Variants in FANK1 observed in about 807,000 individuals in gnomAD.
The protein encoded by FANK1 is fibronectin type 3 and ankyrin repeat domains protein 1.
Under a neutral mutation model 45.3 loss-of-function variants are expected in FANK1, and 44 were observed. The ratio of observed to expected loss-of-function variants is 0.97; its 90% CI spans 0.76 to 1.25. The LOEUF (loss-of-function observed/expected upper bound fraction) is 1.25. FANK1 is among the 50% of genes most tolerant of loss of function. FANK1 has a pLI of 0.00. For missense variants in FANK1, 391 were observed against 424.4 expected (o/e 0.92, Z 0.69); for synonymous variants, 149 against 152.5 (o/e 0.98, Z 0.17).
chr10:125,960,255 C>T (rs553948159), intron 1 of FANK1: 71 of 296,660 alleles, frequency 2.4e-4, no homozygotes, highest in African/African-American at 1.5e-3. Flanking sequence ...TGCTGGAACA[C>T]TGACCAGCAG....
intron 8 of FANK1, 47 bp from the exon 9 acceptor site, chr10:126,009,007 C>T: frequency 6.3e-7 from 1 of 1,578,712 alleles, no homozygotes; most frequent in Non-Finnish European, 8.7e-7. Flanking sequence ...CTGTGTGTGC[C>T]CTGGAGGGAG....
At position 125,927,265 on chromosome 10, in the gene FANK1, C is replaced by T. The variant is rs552413743; in HGVS notation, c.13+30610C>T. ...TGGGACAGGAGGCACACATGCCACA[C>T]CCAGCTCAGTCTACTGGGCTCAAGC... On this transcript the variant is annotated intron_variant, in intron 1 of 10. Coordinates refer to ENST00000368693, the MANE Select transcript of FANK1 (RefSeq NM_145235.5). 1.1e-3 allele frequency among the ~76,000 whole-genome samples: 171 copies of T among 152,324 alleles called. 2 individuals carry two copies. Among genetic ancestry groups the T allele is most frequent in the African/African-American group, 3.9e-3 (161 of 41,574 alleles).
intron 3 of FANK1, among the ~76,000 whole-genome samples, chr10:125,991,319 T>C (rs1225849761): frequency 1.3e-5 from 2 of 150,534 alleles, no homozygotes; most frequent in Admixed American, 1.3e-4. Flanking sequence ...AGATAATAGA[T>C]AGCATCACTG....
intron 1 of FANK1, among the ~76,000 whole-genome samples, chr10:125,901,822 G>A (rs1232641461): frequency 2.0e-5 from 3 of 152,136 alleles, no homozygotes; most frequent in Non-Finnish European, 4.4e-5. Flanking sequence ...TAATTATTTT[G>A]TTAATATTTA....
chr10:125,901,323 C>A (rs1945016758), intron 1 of FANK1, among the ~76,000 whole-genome samples: 1 of 152,208 alleles, frequency 6.6e-6, no homozygotes, highest in South Asian at 2.1e-4. Flanking sequence ...TATTCCACTT[C>A]CAAAATATAC....
intron 1 of FANK1, among the ~76,000 whole-genome samples, chr10:125,924,058 G>A (rs7476627): frequency 1.6e-4 from 25 of 151,776 alleles, no homozygotes; most frequent in Non-Finnish European, 3.5e-4. Context: ...GGAGGCTGTA[G>A]TAAGCTGTGA....
At chr10:125,965,271 A>G (rs1343689153) in intron 1 of FANK1, among the ~76,000 whole-genome samples, 1 of 152,240 alleles carries the variant, frequency 6.6e-6, no homozygotes, top group African/African-American at 2.4e-5. Flanking sequence ...ATCCTCCTGA[A>G]TTGCTTGGTC....
intron 1 of FANK1, among the ~76,000 whole-genome samples, chr10:125,897,168 A>G (rs1944611656): frequency 1.3e-5 from 2 of 149,376 alleles, no homozygotes; most frequent in African/African-American, 4.9e-5. Flanking sequence ...GAGAGAGAAA[A>G]GAAGAGCTTT....
intron 1 of FANK1, among the ~76,000 whole-genome samples, chr10:125,977,083 A>G (rs1047940946): frequency 6.6e-6 from 1 of 151,950 alleles, no homozygotes; most frequent in Middle Eastern, 3.4e-3. Context: ...CTTTGTTCCT[A>G]TCCATATTCT....
chr10:125,918,216 G>A (rs1946615836), intron 1 of FANK1, among the ~76,000 whole-genome samples: 1 of 152,282 alleles, frequency 6.6e-6, no homozygotes, highest in African/African-American at 2.4e-5. Context: ...GGTGATGGTT[G>A]TACAACAGCG....
intron 8 of FANK1, 44 bp from the exon 9 acceptor site, chr10:126,009,009 TG>T: frequency 6.3e-7 from 1 of 1,584,146 alleles, no homozygotes; most frequent in Non-Finnish European, 8.7e-7. Context: ...GTGTGTGCCC[TG>T]GAGGGAGAAG....
intron 6 of FANK1, among the ~76,000 whole-genome samples, chr10:125,998,834 A>G (rs926973304): frequency 2.0e-5 from 3 of 152,252 alleles, no homozygotes; most frequent in Admixed American, 6.5e-5. Flanking sequence ...TAGAAAATTC[A>G]TTTAAAAATT....
At chr10:125,964,783 A>G (rs1244766636) in intron 1 of FANK1, among the ~76,000 whole-genome samples, 1 of 152,318 alleles carries the variant, frequency 6.6e-6, no homozygotes, top group East Asian at 1.9e-4. Context: ...CACAACCTCA[A>G]CTTAGCCTTG....
chr10:125,970,213 G>GC (rs955740645), intron 1 of FANK1, among the ~76,000 whole-genome samples: 58 of 152,018 alleles, frequency 3.8e-4, no homozygotes, highest in African/African-American at 1.3e-3. Context: ...GGGCAGAGGG[G>GC]CCCCCCACCC....
At chr10:125,914,751 G>A (rs370936655) in intron 1 of FANK1, among the ~76,000 whole-genome samples, 1 of 152,158 alleles carries the variant, frequency 6.6e-6, no homozygotes, top group African/African-American at 2.4e-5. Context: ...GTCTGAAGCT[G>A]TAGTCTCCTA....
intron 6 of FANK1, among the ~76,000 whole-genome samples, chr10:125,999,652 A>G (rs945034385): frequency 6.6e-6 from 1 of 152,164 alleles, no homozygotes; most frequent in Non-Finnish European, 1.5e-5. Context: ...GCTTGATGTG[A>G]AATCTGCATC....
chr10:125,954,367 G>GA (rs1249206716), intron 1 of FANK1, among the ~76,000 whole-genome samples: 1 of 152,144 alleles, frequency 6.6e-6, no homozygotes, highest in Non-Finnish European at 1.5e-5. Flanking sequence ...CTTTGAAGAG[G>GA]AACTTCTTTT....
At chr10:125,947,916 C>G (rs1473996572) in intron 1 of FANK1, among the ~76,000 whole-genome samples, 1 of 146,522 alleles carries the variant, frequency 6.8e-6, no homozygotes, top group African/African-American at 2.5e-5. Context: ...CAAACTATCT[C>G]TCAGACCACA....
rs528686575 is a variant in FANK1 at position 125,986,728 on chromosome 10, C to G, written c.192-1823C>G. Reference sequence around the variant, plus strand: ...TCAGAGATACCTCAACCAGAGGACACTGTCCTGGCACCTCATTCCCTCTGC... The same window carrying G: ...TCAGAGATACCTCAACCAGAGGACAGTGTCCTGGCACCTCATTCCCTCTGC... On this transcript the variant is annotated intron_variant, in intron 2 of 10. Transcript: ENST00000368693. Among the ~76,000 whole-genome samples the G allele has an allele frequency of 1.4e-4, 21 of 152,348 alleles. No individual in the cohort carries two copies. In the East Asian group the frequency reaches 3.9e-3, roughly 28 times the overall value.
Sources: gnomAD v4.1 joint callset for allele counts (sites outside exome capture counted in the v4.1 genomes callset) on GRCh38, gnomAD v4.1.1 for gene constraint, MANE v1.5 for transcripts, NCBI Gene and HGNC (gene_info 2026-07-23, HGNC 2026-07-21) for gene names.